MYCBP2: variants seen among roughly 807,000 people sequenced by gnomAD.
MYCBP2 encodes the protein E3 ubiquitin-protein ligase MYCBP2.
In MYCBP2, 120 loss-of-function variants were observed where a neutral mutation model predicts 525.3. That is an observed-to-expected ratio of 0.23 (90% CI 0.20 to 0.27). The LOEUF (loss-of-function observed/expected upper bound fraction) is 0.27. MYCBP2 is among the 10% of genes least tolerant of loss of function. MYCBP2 has a pLI of 1.00. For missense variants in MYCBP2, 4,149 were observed against 5,657.1 expected, an observed-to-expected ratio of 0.73 and a Z score of 8.55; for synonymous variants, 1,894 against 1,955.8, an observed-to-expected ratio of 0.97 and a Z score of 0.83.
Position 77,118,020 on chromosome 13 carries a change from G to C in MYCBP2, c.8140+3353C>G, listed in dbSNP as rs1594698174. Among the ~76,000 whole-genome samples, 3 of 152,240 alleles carry C rather than the reference G, an allele frequency of 2.0e-5. No homozygotes were observed. In the East Asian group the frequency reaches 5.8e-4, roughly 29 times the overall value. On this transcript the variant is annotated intron_variant, in intron 55 of 82. Transcript: ENST00000544440. ...AAACAAACCTGTCCAAACAAGTACA[G>C]TCTCTCTTCTACCCACTGATAAGAG...
At chr13:77,118,282 C>T (rs2050120345) in intron 55 of MYCBP2, 1 of 664,654 alleles carries the variant, frequency 1.5e-6, no homozygotes. Context: ...AACTGATAAG[C>T]AACTCAGAAC....
chr13:77,068,003 C>T (rs2040482152), intron 70 of MYCBP2, 139 bp from the exon 71 acceptor site: 2 of 784,648 alleles, frequency 2.5e-6, no homozygotes, highest in African/African-American at 1.8e-5. Context: ...CCACAGCTCA[C>T]TGCAGCCTTG....
rs71749271 is a variant in MYCBP2, at chr13:77,070,727, G to GAAAAAAA, written c.11824-23_11824-17dup. On this transcript the variant is annotated splice_polypyrimidine_tract_variant and intron_variant, in intron 68 of 82. Transcript: ENST00000544440. ...CTGATGTTGCCTTTACATAGAAAAA[G>GAAAAAAA]AAAAAAAAAAAAAAGAATGAAGTGG... 9.1e-7 allele frequency: 1 copy of GAAAAAAA among 1,093,982 alleles called. No individual in the cohort carries two copies. Among genetic ancestry groups the GAAAAAAA allele is most frequent in the East Asian group, 2.8e-5 (1 of 35,724 alleles). 67.8% of individuals were successfully genotyped at this position (1,093,982 alleles called of 1,614,324 possible).
At position 77,169,395 on chromosome 13, in the gene MYCBP2, CAAAAAAAAAA is replaced by C. The variant is rs371575329; in HGVS notation, c.5895+209_5895+218del. On this transcript the variant is annotated intron_variant, in intron 39 of 82. Coordinates refer to ENST00000544440, the MANE Select transcript of MYCBP2 (RefSeq NM_015057.5). The stretch of plus-strand genomic sequence containing the variant: ...TGGGTGACAGAACAAGACTCCGTCT[CAAAAAAAAAA>C]AAAAAAAAAAAGCCAACAAATAAGC... Among the ~76,000 whole-genome samples, 9 of 33,788 alleles carry C rather than the reference CAAAAAAAAAA, an allele frequency of 2.7e-4. No homozygotes were observed. The East Asian group carries it at 7.3e-3, about 27-fold the overall frequency. 22.2% of individuals were successfully genotyped at this position (33,788 alleles called of 152,430 possible).
intron 58 of MYCBP2, among the ~76,000 whole-genome samples, chr13:77,094,755 C>G (rs1036141322): frequency 2.6e-5 from 4 of 152,256 alleles, no homozygotes; most frequent in East Asian, 1.9e-4. Context: ...CTCTGGGAAG[C>G]CTTTTCTGAT....
intron 68 of MYCBP2, among the ~76,000 whole-genome samples, chr13:77,072,410 T>C (rs2041533035): frequency 6.6e-6 from 1 of 151,756 alleles, no homozygotes; most frequent in Non-Finnish European, 1.5e-5. Flanking sequence ...GCAGCTAATG[T>C]AGTGCTTAGA....
intron 55 of MYCBP2, among the ~76,000 whole-genome samples, chr13:77,116,887 T>C (rs1006270854): frequency 2.6e-5 from 4 of 152,082 alleles, no homozygotes; most frequent in African/African-American, 4.8e-5. Context: ...CTTGCAATGA[T>C]TCTTTAGCTA....
At chr13:77,230,999 G>GCT (rs1485511188) in intron 18 of MYCBP2, among the ~76,000 whole-genome samples, 1 of 152,196 alleles carries the variant, frequency 6.6e-6, no homozygotes, top group African/African-American at 2.4e-5. Flanking sequence ...TGACAAGACA[G>GCT]TGAGTGTAAA....
chr13:77,073,962 T>C (rs989969682), intron 68 of MYCBP2, among the ~76,000 whole-genome samples: 4 of 150,416 alleles, frequency 2.7e-5, no homozygotes, highest in Non-Finnish European at 5.9e-5. Context: ...CCCTAAACTA[T>C]CAATTTGGTG....
At position 77,087,702 on chromosome 13, in the gene MYCBP2, G is replaced by C; in HGVS notation, c.10726-69C>G. The C allele has an allele frequency of 3.8e-6, 5 of 1,313,942 alleles. No individual in the cohort carries two copies. The South Asian group carries it at 5.9e-5, about 15-fold the overall frequency. The allele number at this position is 1,313,942 out of a possible 1,614,324, so 81.4% of individuals were successfully genotyped here. A position where few individuals can be genotyped will look rare whatever the true frequency, so the allele number is the denominator to read the frequency against. On this transcript the variant is annotated intron_variant, in intron 61 of 82. Coordinates refer to ENST00000544440, the MANE Select transcript of MYCBP2 (RefSeq NM_015057.5). ...AGTTTAAAAAGTACTCAGAAATAAA[G>C]TACCTCCATGGATTAAGACTTCAAA... is the stretch of plus-strand genomic sequence containing the variant.
At chr13:77,273,877 T>C (rs1334570584) in intron 4 of MYCBP2, among the ~76,000 whole-genome samples, 3 of 152,164 alleles carry the variant, frequency 2.0e-5, no homozygotes, top group African/African-American at 7.2e-5. Context: ...GTTCAACTCC[T>C]TATTTTTCTT....
At chr13:77,073,203 A>G in intron 68 of MYCBP2, among the ~76,000 whole-genome samples, 1 of 152,058 alleles carries the variant, frequency 6.6e-6, no homozygotes, top group Middle Eastern at 3.2e-3. Flanking sequence ...CTAGTATCAC[A>G]TGTTGACTAA....
At chr13:77,301,251 C>T (rs554446441) in intron 1 of MYCBP2, among the ~76,000 whole-genome samples, 152 of 151,652 alleles carry the variant, frequency 1.0e-3, no homozygotes, top group Non-Finnish European at 1.8e-3. Context: ...CCCGTCTCTA[C>T]TAAAAATGCA....
chr13:77,283,052 T>A (rs1025126362), intron 3 of MYCBP2, among the ~76,000 whole-genome samples: 1 of 152,024 alleles, frequency 6.6e-6, no homozygotes, highest in Admixed American at 6.5e-5. Context: ...CTAACCGGAG[T>A]ACAAAGTTAC....
intron 52 of MYCBP2, among the ~76,000 whole-genome samples, chr13:77,136,360 AACT>A (rs1046936936): frequency 6.6e-6 from 1 of 152,228 alleles, no homozygotes; most frequent in Non-Finnish European, 1.5e-5. Flanking sequence ...CCAACTCTTT[AACT>A]ATAGTGCATT....
rs144829532 is a variant in MYCBP2 at position 77,086,269 on chromosome 13, A to G, written c.10875+1215T>C. ...AAAAAAACCAACTGACAGCCTTTTA[A>G]ACAAACTCAGTATTTTAACTTGTAA... is the stretch of plus-strand genomic sequence containing the variant. On this transcript the variant is annotated intron_variant, in intron 62 of 82. Transcript: ENST00000544440. 9.6e-3 allele frequency among the ~76,000 whole-genome samples: 1,454 copies of G among 152,220 alleles called. 25 individuals carry two copies. The highest frequency in any genetic ancestry group is 0.033 in the African/African-American group (1,358 of 41,544).
intron 72 of MYCBP2, among the ~76,000 whole-genome samples, chr13:77,065,476 A>G (rs2040039801): frequency 6.6e-6 from 1 of 152,188 alleles, no homozygotes; most frequent in African/African-American, 2.4e-5. Flanking sequence ...GAAATAATAC[A>G]ATGTGTGGAA....
chr13:77,210,806 A>G (rs1284526898), intron 23 of MYCBP2, among the ~76,000 whole-genome samples: 1 of 152,218 alleles, frequency 6.6e-6, no homozygotes, highest in African/African-American at 2.4e-5. Flanking sequence ...AGTAAAATTA[A>G]TAATTATAAT....
intron 55 of MYCBP2, 193 bp from the exon 56 acceptor site, chr13:77,099,206 A>G (rs1335352814): frequency 2.7e-6 from 2 of 754,364 alleles, no homozygotes; most frequent in African/African-American, 3.5e-5. Context: ...ATTACACAAC[A>G]TTACCACCAA....
Sources: gnomAD v4.1 joint callset for allele counts (sites outside exome capture counted in the v4.1 genomes callset) on GRCh38, gnomAD v4.1.1 for gene constraint, MANE v1.5 for transcripts, NCBI Gene and HGNC (gene_info 2026-07-23, HGNC 2026-07-21) for gene names.